Variants in C3orf33 observed in about 807,000 individuals in gnomAD.
C3orf33 encodes the protein mitochondrial inner membrane subdomain organizer 1, also known as AP-1 activity suppressor.
C3orf33 carries 23 observed loss-of-function variants against 28.7 expected under a neutral mutation model. The ratio of observed to expected loss-of-function variants is 0.80; its 90% CI spans 0.58 to 1.13. C3orf33 has a LOEUF of 1.13. Among genes scored for constraint, C3orf33 ranks in the 50% most tolerant of loss-of-function variants. C3orf33 has a pLI of 0.00. For missense variants in C3orf33, 327 were observed against 353.4 expected (o/e 0.93, Z 0.60); for synonymous variants, 119 against 120.5 (o/e 0.99, Z 0.08).
chr3:155,781,228 G>T (rs1453495281), intron 2 of C3orf33, among the ~76,000 whole-genome samples: 1 of 149,682 alleles, frequency 6.7e-6, no homozygotes, highest in Non-Finnish European at 1.5e-5. Context: ...GGATGGTCTC[G>T]ATCTCCTGAC....
chr3:155,780,984 C>T (rs1750900300), intron 2 of C3orf33, among the ~76,000 whole-genome samples: 1 of 150,772 alleles, frequency 6.6e-6, no homozygotes, highest in Non-Finnish European at 1.5e-5. Flanking sequence ...CAGCCTACCT[C>T]TAGACTTCTT....
chr3:155,793,975 G>A (rs1394560660), intron 2 of C3orf33, among the ~76,000 whole-genome samples: 2 of 141,782 alleles, frequency 1.4e-5, no homozygotes, highest in African/African-American at 5.1e-5. Flanking sequence ...TTTGCTTGGT[G>A]GTGTTTTGTT....
chr3:155,790,116 A>G (rs894202689), intron 2 of C3orf33, among the ~76,000 whole-genome samples: 11 of 146,386 alleles, frequency 7.5e-5, no homozygotes, highest in African/African-American at 2.8e-4. Context: ...GTGAGCCGAG[A>G]TCATACAACT....
chr3:155,802,784 T>C (rs1043907138), intron 1 of C3orf33, among the ~76,000 whole-genome samples, 193 bp from the exon 2 acceptor site: 1 of 152,150 alleles, frequency 6.6e-6, no homozygotes, highest in Non-Finnish European at 1.5e-5. Flanking sequence ...CTTTTAACTT[T>C]TATAGTACTC....
Position 155,763,414 on chromosome 3 carries a change from T to C in C3orf33, c.*103A>G, listed in dbSNP as rs1245722000. On this transcript the variant is annotated 3_prime_UTR_variant, in exon 5 of 5. Coordinates refer to ENST00000340171, the MANE Select transcript of C3orf33 (RefSeq NM_001308229.2). ...TATTTAAATACCATTGGACTAACAC[T>C]TTGATCATTTGGCAAAACTTCCATT... 1.3e-6 allele frequency: 1 copy of C among 791,846 alleles called. No individual in the cohort carries two copies. The highest frequency in any genetic ancestry group is 1.8e-5 in the African/African-American group (1 of 55,362). 49.1% of individuals were successfully genotyped at this position (791,846 alleles called of 1,614,324 possible).
Position 155,802,576 on chromosome 3 carries a change from T to C in C3orf33, c.130A>G (p.Met44Val). 1 of 1,598,260 alleles carries C rather than the reference T, an allele frequency of 6.3e-7. No homozygotes were observed. The highest frequency in any genetic ancestry group is 8.5e-7 in the Non-Finnish European group (1 of 1,175,918). The change falls in exon 2 of 5, where the codon ATG becomes GTG. Residue 44 changes from methionine to valine, a missense_variant. Met to Val is a conservative substitution (Grantham distance 21). Transcript: ENST00000340171. ...LRLVRNISTG[M>V]AIAGIMLLLR... Reference sequence around the variant, plus strand: ...AGTAACATTATTCCAGCTATGGCCATTCCAGTGCTGATGTTCTACAGAAAG... The same window carrying C: ...AGTAACATTATTCCAGCTATGGCCACTCCAGTGCTGATGTTCTACAGAAAG...
intron 2 of C3orf33, among the ~76,000 whole-genome samples, chr3:155,783,560 A>T (rs532044407): frequency 6.9e-6 from 1 of 144,962 alleles, no homozygotes; most frequent in South Asian, 2.2e-4. Flanking sequence ...TCTGCTTCCC[A>T]GGTTCAAGGG....
chr3:155,781,663 G>T (rs1001200440), intron 2 of C3orf33, among the ~76,000 whole-genome samples: 7 of 150,814 alleles, frequency 4.6e-5, no homozygotes, highest in Non-Finnish European at 1.0e-4. Flanking sequence ...CAGCTACTTG[G>T]GAGGCTGAGG....
intron 2 of C3orf33, among the ~76,000 whole-genome samples, chr3:155,795,591 A>T (rs1389542117): frequency 6.6e-6 from 1 of 152,232 alleles, no homozygotes; most frequent in Non-Finnish European, 1.5e-5. Context: ...TGGAAATTAA[A>T]CAATGTGCTC....
chr3:155,767,533 G>A lies in C3orf33; in HGVS notation c.459C>T (p.Leu153=), dbSNP rs188799695. 6.3e-7 allele frequency: 1 copy of A among 1,576,210 alleles called. No individual in the cohort carries two copies. The highest frequency in any genetic ancestry group is 1.3e-5 in the African/African-American group (1 of 74,314). The change falls in exon 4 of 5, where the codon CTC becomes CTT. Residue 153 remains leucine (L), a synonymous_variant. Transcript: ENST00000340171. ...FQLLGKENSA[L]FCYLLVSKGG... is the part of the protein sequence containing the mutation. ...CCTTACTCACCAGAAGATAGCAAAA[G>A]AGTGCTGAATTCTCCTTTCCAAGAA...
intron 2 of C3orf33, among the ~76,000 whole-genome samples, chr3:155,789,075 G>A (rs1205058332): frequency 6.6e-6 from 1 of 152,076 alleles, no homozygotes; most frequent in Non-Finnish European, 1.5e-5. Flanking sequence ...GGCCAGGTGT[G>A]GTGGCTCACG....
intron 2 of C3orf33, among the ~76,000 whole-genome samples, chr3:155,792,394 A>G (rs1294852030): frequency 6.6e-6 from 1 of 152,162 alleles, no homozygotes; most frequent in African/African-American, 2.4e-5. Context: ...TATGAAGACT[A>G]TAATAAATAC....
At chr3:155,802,710 T>A in intron 1 of C3orf33, 119 bp from the exon 2 acceptor site, 1 of 686,684 alleles carries the variant, frequency 1.5e-6, no homozygotes, top group South Asian at 1.9e-5. Flanking sequence ...GTATAAACAA[T>A]GTATGTCTTT....
At chr3:155,799,185 T>C (rs1388673995) in intron 2 of C3orf33, among the ~76,000 whole-genome samples, 2 of 152,200 alleles carry the variant, frequency 1.3e-5, no homozygotes, top group Non-Finnish European at 2.9e-5. Flanking sequence ...TGTAAATTAT[T>C]ACAACCGTTA....
At chr3:155,804,311 T>C (rs1037705098) in intron 1 of C3orf33, 2 of 283,140 alleles carry the variant, frequency 7.1e-6, no homozygotes, top group South Asian at 2.8e-5. Context: ...TCTGAAGTCA[T>C]TTTTTAATTT....
At chr3:155,799,218 AC>A (rs1751570311) in intron 2 of C3orf33, among the ~76,000 whole-genome samples, 1 of 152,222 alleles carries the variant, frequency 6.6e-6, no homozygotes, top group African/African-American at 2.4e-5. Context: ...TGGAGGCCCC[AC>A]AAAAAACTAA....
intron 2 of C3orf33, among the ~76,000 whole-genome samples, chr3:155,776,703 C>T (rs559834016): frequency 2.1e-5 from 3 of 141,478 alleles, no homozygotes; most frequent in Non-Finnish European, 4.5e-5. Context: ...TTACAGTGAG[C>T]CATAATAGCA....
At chr3:155,799,855 T>G (rs944710376) in intron 2 of C3orf33, among the ~76,000 whole-genome samples, 15 of 152,106 alleles carry the variant, frequency 9.9e-5, no homozygotes, top group African/African-American at 3.4e-4. Flanking sequence ...TTGAGGGAAC[T>G]AAAAAATTTA....
intron 3 of C3orf33, among the ~76,000 whole-genome samples, chr3:155,772,887 C>T (rs1045179284): frequency 6.6e-6 from 1 of 150,950 alleles, no homozygotes; most frequent in African/African-American, 2.4e-5. Flanking sequence ...AGGAAGGAGT[C>T]TTAGAAATCA....
Sources: allele counts gnomAD v4.1 joint callset (sites outside exome capture counted in the v4.1 genomes callset), GRCh38; gene constraint gnomAD v4.1.1; transcripts MANE v1.5; gene names NCBI Gene and HGNC (gene_info 2026-07-23, HGNC 2026-07-21).